Variants in SHISA9 observed in about 807,000 individuals in gnomAD.
SHISA9 encodes the protein shisa family member 9, also known as protein shisa-9.
A neutral mutation model predicts 38.0 loss-of-function variants in SHISA9; 13 were observed. The observed-to-expected ratio is 0.34, with a 90% CI of 0.22 to 0.54. The LOEUF (loss-of-function observed/expected upper bound fraction) is 0.54. Ranked by LOEUF, SHISA9 falls within the 20% of genes least tolerant of loss-of-function variation. The pLI is 0.91. For synonymous variants in SHISA9, 275 were observed against 242.0 expected (o/e 1.14, Z -1.27); for missense variants, 538 against 575.8 (o/e 0.93, Z 0.67).
At chr16:13,292,642 C>G in the SHISA9 span, among the ~76,000 whole-genome samples, 2 of 152,062 alleles carry the variant, frequency 1.3e-5, no homozygotes, top group Admixed American at 1.3e-4. Context: ...TTGTTCCTAT[C>G]AAATACAATC....
chr16:12,923,833 T>G (rs2071360213), intron 2 of SHISA9, among the ~76,000 whole-genome samples: 1 of 150,488 alleles, frequency 6.6e-6, no homozygotes, highest in Non-Finnish European at 1.5e-5. Context: ...AGAGCAAGAC[T>G]CCATCTCCAA....
At chr16:12,980,181 A>C (rs2072222474) in intron 2 of SHISA9, among the ~76,000 whole-genome samples, 1 of 152,196 alleles carries the variant, frequency 6.6e-6, no homozygotes, top group South Asian at 2.1e-4. Flanking sequence ...AACTTTACCA[A>C]GGCATTTGAT....
At chr16:13,010,901 G>A (rs989753555) in intron 2 of SHISA9, among the ~76,000 whole-genome samples, 1 of 152,196 alleles carries the variant, frequency 6.6e-6, no homozygotes, top group Admixed American at 6.5e-5. Flanking sequence ...GTAGTAAGCC[G>A]AGATAGAGCC....
chr16:13,347,275 A>C, the SHISA9 span, among the ~76,000 whole-genome samples: 23 of 152,180 alleles, frequency 1.5e-4, no homozygotes, highest in African/African-American at 5.6e-4. Context: ...GGGAGAGAAC[A>C]TTATCTCCAT....
the SHISA9 span, among the ~76,000 whole-genome samples, chr16:13,525,143 A>C: frequency 2.6e-5 from 4 of 152,256 alleles, no homozygotes; most frequent in African/African-American, 9.6e-5. Flanking sequence ...GGTCAGTTCT[A>C]AGAATTTGCA....
At chr16:13,532,557 ATGTGTGTG>A in the SHISA9 span, among the ~76,000 whole-genome samples, 1 of 150,148 alleles carries the variant, frequency 6.7e-6, no homozygotes, top group East Asian at 2.0e-4. Flanking sequence ...GCGTGTGTGT[ATGTGTGTG>A]TGTGTGTGTG....
the SHISA9 span, among the ~76,000 whole-genome samples, chr16:13,394,440 C>T: frequency 1.3e-5 from 2 of 152,160 alleles, no homozygotes; most frequent in South Asian, 2.1e-4. Flanking sequence ...TCTATTTGCT[C>T]AGTCTTATCT....
chr16:13,255,641 A>G, the SHISA9 span, among the ~76,000 whole-genome samples: 1 of 152,198 alleles, frequency 6.6e-6, no homozygotes, highest in Admixed American at 6.5e-5. Flanking sequence ...ATCTAAATCT[A>G]TTTCCAGTCC....
At chr16:13,212,043 A>C (rs963042150) in intron 3 of SHISA9, among the ~76,000 whole-genome samples, 3 of 152,098 alleles carry the variant, frequency 2.0e-5, no homozygotes, top group Admixed American at 2.0e-4. Flanking sequence ...GTTCAGATCC[A>C]CGGGGGGGAT....
intron 2 of SHISA9, among the ~76,000 whole-genome samples, chr16:13,138,041 G>C (rs987190058): frequency 6.6e-6 from 1 of 152,172 alleles, no homozygotes; most frequent in African/African-American, 2.4e-5. Context: ...CAGAGATTCT[G>C]ACTCGGTGGG....
chr16:13,306,277 G>T, the SHISA9 span, among the ~76,000 whole-genome samples: 1 of 152,170 alleles, frequency 6.6e-6, no homozygotes, highest in Non-Finnish European at 1.5e-5. Context: ...AAGATGACTG[G>T]ATTTTGTTGT....
At chr16:13,292,714 G>A in the SHISA9 span, among the ~76,000 whole-genome samples, 5 of 152,032 alleles carry the variant, frequency 3.3e-5, no homozygotes, top group Non-Finnish European at 7.4e-5. Flanking sequence ...CAATACAAGG[G>A]CAGGGAATGG....
chr16:13,533,781 ATTTT>A, the SHISA9 span, among the ~76,000 whole-genome samples: 14,540 of 128,128 alleles, frequency 0.11, 633 homozygotes, highest in Non-Finnish European at 0.15. Context: ...ATAACTCTCA[ATTTT>A]TTTTTTTTTT....
intron 2 of SHISA9, among the ~76,000 whole-genome samples, chr16:13,087,431 C>T (rs979852596): frequency 2.0e-5 from 3 of 151,650 alleles, no homozygotes; most frequent in Non-Finnish European, 2.9e-5. Context: ...AACCAATTTA[C>T]ACTCCCACCA....
At chr16:13,182,959 T>C (rs922038534) in intron 2 of SHISA9, among the ~76,000 whole-genome samples, 2 of 152,230 alleles carry the variant, frequency 1.3e-5, no homozygotes, top group African/African-American at 4.8e-5. Context: ...CTCTTACATG[T>C]CTGGCAATGG....
intron 2 of SHISA9, among the ~76,000 whole-genome samples, chr16:13,031,358 T>C (rs1334246536): frequency 1.3e-5 from 2 of 152,204 alleles, no homozygotes; most frequent in East Asian, 3.8e-4. Context: ...ATTCAGCCAT[T>C]GCACCCTCTC....
intron 2 of SHISA9, among the ~76,000 whole-genome samples, chr16:12,991,734 C>T (rs1047268219): frequency 2.6e-5 from 4 of 152,012 alleles, no homozygotes; most frequent in South Asian, 2.1e-4. Context: ...TTTTAAGAGT[C>T]GCAAGGGATC....
At chr16:13,440,177 T>G in the SHISA9 span, among the ~76,000 whole-genome samples, 3 of 152,134 alleles carry the variant, frequency 2.0e-5, no homozygotes, top group African/African-American at 7.2e-5. Flanking sequence ...TAATGGTATG[T>G]GGGTGGGGGT....
the SHISA9 span, among the ~76,000 whole-genome samples, chr16:13,315,118 G>A: frequency 7.4e-4 from 113 of 152,300 alleles, no homozygotes; most frequent in African/African-American, 2.5e-3. Context: ...GCAGCAAAGA[G>A]ACCATGGGCT....
Sources: allele counts gnomAD v4.1 joint callset (sites outside exome capture counted in the v4.1 genomes callset), GRCh38; gene constraint gnomAD v4.1.1; transcripts MANE v1.5; gene names NCBI Gene and HGNC (gene_info 2026-07-23, HGNC 2026-07-21).